ATF6: variants seen among roughly 807,000 people sequenced by gnomAD.
ATF6 encodes activating transcription factor 6, also known as cyclic AMP-dependent transcription factor ATF-6 alpha.
A neutral mutation model predicts 83.6 loss-of-function variants in ATF6; 53 were observed. The observed-to-expected ratio is 0.63, with a 90% CI of 0.51 to 0.80. ATF6 has a LOEUF of 0.80. ATF6 is among the 30% of genes least tolerant of loss of function. The pLI, the probability that ATF6 is intolerant of heterozygous loss-of-function variation, is 0.00. For synonymous variants in ATF6, 288 were observed against 285.8 expected (o/e 1.01, Z -0.08); for missense variants, 744 against 797.9 (o/e 0.93, Z 0.81).
intron 8 of ATF6, 32 bp downstream of exon 8, chr1:161,819,850 G>A: frequency 6.5e-7 from 1 of 1,544,928 alleles, no homozygotes; most frequent in Non-Finnish European, 8.7e-7. Context: ...GAGTCGAGAT[G>A]GGCTAAAGTA....
intron 14 of ATF6, among the ~76,000 whole-genome samples, chr1:161,893,537 T>G (rs1687604198): frequency 6.6e-6 from 1 of 152,236 alleles, no homozygotes. Context: ...GTCGACCTTC[T>G]GAAAAGCCTG....
At chr1:161,912,119 T>G (rs967146433) in intron 14 of ATF6, among the ~76,000 whole-genome samples, 177 bp from the exon 15 acceptor site, 3 of 152,216 alleles carry the variant, frequency 2.0e-5, no homozygotes, top group African/African-American at 7.2e-5. Flanking sequence ...AAATGTGTAT[T>G]ACATTAATGA....
chr1:161,796,246 G>A (rs1685019312), intron 6 of ATF6, among the ~76,000 whole-genome samples: 1 of 152,130 alleles, frequency 6.6e-6, no homozygotes, highest in East Asian at 1.9e-4. Flanking sequence ...GCTAGAAATA[G>A]GATTCTTTCT....
At chr1:161,912,526 T>G (rs1167193218) in intron 15 of ATF6, 146 bp downstream of exon 15, 1 of 482,068 alleles carries the variant, frequency 2.1e-6, no homozygotes. Flanking sequence ...ACTGTTTTAT[T>G]ATTTTTAAGA....
chr1:161,823,927 A>G (rs928556403), intron 9 of ATF6, among the ~76,000 whole-genome samples: 1 of 152,048 alleles, frequency 6.6e-6, no homozygotes, highest in Non-Finnish European at 1.5e-5. Context: ...TTACTTGTTG[A>G]TATGTGTACA....
intron 14 of ATF6, among the ~76,000 whole-genome samples, chr1:161,884,468 CT>C (rs1415615521): frequency 6.6e-6 from 1 of 151,908 alleles, no homozygotes. Context: ...TCCAAAACAA[CT>C]TTATTCATAC....
chr1:161,940,542 T>C (rs992198164), intron 15 of ATF6, among the ~76,000 whole-genome samples: 1 of 145,620 alleles, frequency 6.9e-6, no homozygotes, highest in African/African-American at 2.5e-5. Context: ...TAGTCTCAAG[T>C]GTCACCTCCT....
chr1:161,778,418 G>GTATGTAAC, intron 2 of ATF6, 98 bp downstream of exon 2: 1 of 864,148 alleles, frequency 1.2e-6, no homozygotes, highest in Non-Finnish European at 1.8e-6. Flanking sequence ...AGTAATTTAA[G>GTATGTAAC]TTACATACTT....
intron 9 of ATF6, among the ~76,000 whole-genome samples, chr1:161,834,721 C>G (rs964407727): frequency 3.3e-5 from 5 of 151,992 alleles, no homozygotes; most frequent in East Asian, 1.9e-4. Context: ...CACATGTATA[C>G]ATATGTAACA....
chr1:161,898,739 G>T (rs1298999947), intron 14 of ATF6, among the ~76,000 whole-genome samples: 1 of 151,926 alleles, frequency 6.6e-6, no homozygotes, highest in Non-Finnish European at 1.5e-5. Flanking sequence ...GTAGAGACAG[G>T]GTTTTACCAC....
chr1:161,778,325 G>A lies in ATF6; in HGVS notation c.159+5G>A, dbSNP rs766482735. On this transcript the variant is annotated splice_donor_5th_base_variant and intron_variant, in intron 2 of 15. Coordinates refer to ENST00000367942, the MANE Select transcript of ATF6 (RefSeq NM_007348.4). Reference sequence around the variant, plus strand: ...GAAGCAGCAAATGAGACGTATGTAAGTATTTACTAAGGTTGAATAATGTGA... The same window carrying A: ...GAAGCAGCAAATGAGACGTATGTAAATATTTACTAAGGTTGAATAATGTGA... 3 of 1,608,870 alleles carry A rather than the reference G, an allele frequency of 1.9e-6. No individual in the cohort carries two copies. Among genetic ancestry groups the A allele is most frequent in the East Asian group, 4.5e-5 (2 of 44,808 alleles).
intron 15 of ATF6, among the ~76,000 whole-genome samples, chr1:161,917,810 C>A (rs185452701): frequency 6.6e-6 from 1 of 152,098 alleles, no homozygotes; most frequent in Non-Finnish European, 1.5e-5. Context: ...TTTCTGCTTG[C>A]GGCATTATGT....
chr1:161,774,809 G>A (rs1432676736), intron 1 of ATF6, among the ~76,000 whole-genome samples: 5 of 152,148 alleles, frequency 3.3e-5, no homozygotes, highest in African/African-American at 1.2e-4. Flanking sequence ...TCTAGTCTAG[G>A]ATTTTACTTG....
At chr1:161,815,122 G>A (rs1685581640) in intron 7 of ATF6, among the ~76,000 whole-genome samples, 3 of 149,616 alleles carry the variant, frequency 2.0e-5, no homozygotes, top group African/African-American at 7.4e-5. Flanking sequence ...ATCAATACTT[G>A]ATCTGACTTG....
chr1:161,806,440 A>C (rs1236113659), intron 7 of ATF6, among the ~76,000 whole-genome samples: 1 of 152,236 alleles, frequency 6.6e-6, no homozygotes, highest in Non-Finnish European at 1.5e-5. Flanking sequence ...AACAAGTGGT[A>C]AAATTCTACA....
intron 9 of ATF6, among the ~76,000 whole-genome samples, chr1:161,833,383 C>T (rs1477720076): frequency 6.6e-6 from 1 of 152,128 alleles, no homozygotes; most frequent in Non-Finnish European, 1.5e-5. Flanking sequence ...TCCTCACCCG[C>T]AACAGAACAA....
At chr1:161,824,453 C>CT (rs1331587100) in intron 9 of ATF6, among the ~76,000 whole-genome samples, 1 of 150,640 alleles carries the variant, frequency 6.6e-6, no homozygotes, top group Non-Finnish European at 1.5e-5. Flanking sequence ...TTCTAAATGT[C>CT]TATCCCAGCT....
chr1:161,912,376 A>G lies in ATF6; in HGVS notation c.1800A>G (p.Ile600Met). 6.2e-7 allele frequency: 1 copy of G among 1,604,382 alleles called. No individual in the cohort carries two copies. The highest frequency in any genetic ancestry group is 8.5e-7 in the Non-Finnish European group (1 of 1,173,386). The change falls in exon 15 of 16, where the codon ATA becomes ATG. Residue 600 changes from isoleucine (I) to methionine (M), a missense_variant. Transcript: ENST00000367942. ...CAATTGTGTTACCAGCAATAAACATAAATGGTAAGTTGAAATTCTGATGTA... is the reference window on the plus strand; with the variant it reads ...CAATTGTGTTACCAGCAATAAACATGAATGGTAAGTTGAAATTCTGATGTA... Reference protein sequence around the residue: ...KMSIVLPAININENVINGQDY... With the variant: ...KMSIVLPAINMNENVINGQDY...
chr1:161,770,664 A>G (rs1022267360), intron 1 of ATF6, among the ~76,000 whole-genome samples: 1 of 152,244 alleles, frequency 6.6e-6, no homozygotes, highest in Non-Finnish European at 1.5e-5. Context: ...TAGGGCTTCA[A>G]CATACGAATT....
Sources: allele counts gnomAD v4.1 joint callset (sites outside exome capture counted in the v4.1 genomes callset), GRCh38; gene constraint gnomAD v4.1.1; transcripts MANE v1.5; gene names NCBI Gene and HGNC (gene_info 2026-07-23, HGNC 2026-07-21).